The following RBFOX1 variants were observed in gnomAD, a reference collection of about 807,000 sequenced individuals.
RBFOX1 encodes the protein RNA binding fox-1 homolog 1, also known as RNA binding protein fox-1 homolog 1.
In RBFOX1, 8 loss-of-function variants were observed where a neutral mutation model predicts 57.7. That is an observed-to-expected ratio of 0.14 (90% confidence interval 0.08 to 0.25). The LOEUF is 0.25. RBFOX1 is among the 10% of genes least tolerant of loss of function. RBFOX1 has a pLI of 1.00. For missense variants in RBFOX1, 611 were observed against 548.5 expected, an observed-to-expected ratio of 1.11 and a Z score of -1.14; for synonymous variants, 326 against 222.4, an observed-to-expected ratio of 1.47 and a Z score of -4.15.
intron 4 of RBFOX1, among the ~76,000 whole-genome samples, chr16:7,454,545 A>G (rs7194484): frequency 0.91 from 138,939 of 152,204 alleles, 63,620 homozygotes; most frequent in East Asian, 1. Flanking sequence ...GAGAAAGTGT[A>G]AACTGAAGCC....
chr16:7,315,672 C>T, intron 4 of RBFOX1, among the ~76,000 whole-genome samples: 1 of 150,216 alleles, frequency 6.7e-6, no homozygotes. Flanking sequence ...ATATATGGAA[C>T]ATTACACACA....
chr16:5,270,638 G>A, intron 1 of RBFOX1: 1 of 566,640 alleles, frequency 1.8e-6, no homozygotes, highest in Non-Finnish European at 3.3e-6. Flanking sequence ...GACCTCTTAT[G>A]CTCAGCACCA....
At chr16:7,166,216 G>C (rs1279281512) in intron 4 of RBFOX1, among the ~76,000 whole-genome samples, 1 of 152,130 alleles carries the variant, frequency 6.6e-6, no homozygotes, top group African/African-American at 2.4e-5. Flanking sequence ...GTTTTGCCAT[G>C]TAGGCCAGGC....
intron 2 of RBFOX1, among the ~76,000 whole-genome samples, chr16:6,347,732 A>C (rs1450464369): frequency 2.0e-5 from 3 of 152,246 alleles, no homozygotes; most frequent in African/African-American, 7.2e-5. Context: ...CATAAGACAC[A>C]TTCACAGTAC....
intron 5 of RBFOX1, among the ~76,000 whole-genome samples, chr16:7,561,957 TG>T (rs1449847803): frequency 6.6e-6 from 1 of 152,100 alleles, no homozygotes; most frequent in East Asian, 1.9e-4. Flanking sequence ...ATGTATAGGT[TG>T]GCCTTGATTT....
intron 3 of RBFOX1, among the ~76,000 whole-genome samples, chr16:5,739,427 G>C (rs1167641685): frequency 2.6e-5 from 4 of 152,220 alleles, no homozygotes; most frequent in African/African-American, 9.6e-5. Flanking sequence ...TAGGGGGAAA[G>C]TGGATAATAA....
chr16:7,692,703 A>G (rs1472453290), intron 14 of RBFOX1, among the ~76,000 whole-genome samples: 1 of 152,178 alleles, frequency 6.6e-6, no homozygotes, highest in Non-Finnish European at 1.5e-5. Context: ...TTCTGGGTTT[A>G]CTAAAAGTAA....
At chr16:6,818,025 T>A (rs145495339) in intron 3 of RBFOX1, among the ~76,000 whole-genome samples, 2 of 152,152 alleles carry the variant, frequency 1.3e-5, no homozygotes, top group African/African-American at 4.8e-5. Flanking sequence ...GGCTAAACTT[T>A]TTGTGTCTGC....
intron 2 of RBFOX1, among the ~76,000 whole-genome samples, chr16:5,596,700 C>G (rs1288255097): frequency 6.6e-6 from 1 of 152,172 alleles, no homozygotes; most frequent in East Asian, 1.9e-4. Context: ...CTTGGTCCAT[C>G]TATAAAGTGG....
rs545558329 is a variant in RBFOX1 at position 7,050,564 on chromosome 16, C to T, written c.-15-1493C>T. ...TACAGGCATGAGCAACCGTGCCTGG[C>T]CTTCCTTCATTTTCTTTAATGATCT... On this transcript the variant is annotated intron_variant, in intron 3 of 15. Coordinates refer to ENST00000550418, the MANE Select transcript of RBFOX1 (RefSeq NM_018723.4). Among the ~76,000 whole-genome samples the T allele has an allele frequency of 2.0e-5, 3 of 151,992 alleles. No individual in the cohort carries two copies. In the South Asian group the frequency reaches 6.2e-4, roughly 32 times the overall value.
At chr16:5,720,863 G>C (rs1201690016) in intron 3 of RBFOX1, among the ~76,000 whole-genome samples, 1 of 152,164 alleles carries the variant, frequency 6.6e-6, no homozygotes, top group Non-Finnish European at 1.5e-5. Context: ...ATTGGGAAGT[G>C]TGAGTCTCCA....
At chr16:5,728,005 CAG>C (rs1306148835) in intron 3 of RBFOX1, among the ~76,000 whole-genome samples, 11 of 152,312 alleles carry the variant, frequency 7.2e-5, no homozygotes, top group African/African-American at 2.6e-4. Flanking sequence ...CTGTTTCTAT[CAG>C]TTCACTTCTT....
chr16:7,273,211 T>TTCCTTCCTTCCC (rs2095368984), intron 4 of RBFOX1, among the ~76,000 whole-genome samples: 1 of 98,770 alleles, frequency 1.0e-5, no homozygotes, highest in African/African-American at 4.2e-5. Flanking sequence ...CCTCCCTTCC[T>TTCCTTCCTTCCC]TCCTTCCTTC....
chr16:5,966,544 G>A (rs1020666522), intron 4 of RBFOX1, among the ~76,000 whole-genome samples: 3 of 152,106 alleles, frequency 2.0e-5, no homozygotes, highest in Admixed American at 6.5e-5. Flanking sequence ...TGCAATCTCC[G>A]CCTCCCAGGT....
chr16:7,245,537 A>G (rs893422594), intron 4 of RBFOX1, among the ~76,000 whole-genome samples: 3 of 152,200 alleles, frequency 2.0e-5, no homozygotes, highest in African/African-American at 4.8e-5. Flanking sequence ...TGCAAAACGT[A>G]TTTTCATAAT....
intron 2 of RBFOX1, among the ~76,000 whole-genome samples, chr16:6,461,544 C>G (rs921988566): frequency 6.6e-6 from 1 of 152,198 alleles, no homozygotes. Context: ...ATCAACTAAT[C>G]CAACCATAAC....
intron 3 of RBFOX1, among the ~76,000 whole-genome samples, chr16:6,973,850 T>G (rs571526183): frequency 6.6e-6 from 1 of 152,062 alleles, no homozygotes; most frequent in Non-Finnish European, 1.5e-5. Flanking sequence ...ACGTGTGCCA[T>G]GGTGGTTTAC....
intron 1 of RBFOX1, among the ~76,000 whole-genome samples, chr16:5,382,947 C>T (rs1358376772): frequency 1.3e-5 from 2 of 152,154 alleles, no homozygotes; most frequent in Non-Finnish European, 1.5e-5. Flanking sequence ...GTTTCAGACC[C>T]CAGTGTGCAC....
intron 3 of RBFOX1, among the ~76,000 whole-genome samples, chr16:6,826,058 C>T (rs116492505): frequency 6.6e-6 from 1 of 151,936 alleles, no homozygotes; most frequent in Non-Finnish European, 1.5e-5. Context: ...ACGTTCATTG[C>T]CCAGGTCCCC....
Sources: allele counts gnomAD v4.1 joint callset (sites outside exome capture counted in the v4.1 genomes callset), GRCh38; gene constraint gnomAD v4.1.1; transcripts MANE v1.5; gene names NCBI Gene and HGNC (gene_info 2026-07-23, HGNC 2026-07-21).